Variants in DLEC1 observed in about 807,000 individuals in gnomAD.
The protein encoded by DLEC1 is deleted in lung and esophageal cancer protein 1.
In DLEC1, 146 loss-of-function variants were observed where a neutral mutation model predicts 198.1. The observed-to-expected ratio is 0.74, with a 90% confidence interval of 0.64 to 0.85. The LOEUF is 0.85. Among genes scored for constraint, DLEC1 ranks in the 40% least tolerant of loss-of-function variants. The pLI is 0.00. For synonymous variants in DLEC1, 897 were observed against 866.8 expected, an observed-to-expected ratio of 1.03 and a Z score of -0.61; for missense variants, 2,233 against 2,220.0, an observed-to-expected ratio of 1.01 and a Z score of -0.12.
At position 38,120,597 on chromosome 3, in the gene DLEC1, C is replaced by G; in HGVS notation, c.4854C>G (p.Asn1618Lys). 6.2e-7 allele frequency: 1 copy of G among 1,613,366 alleles called. No individual in the cohort carries two copies. The highest frequency in any genetic ancestry group is 1.1e-5 in the South Asian group (1 of 91,044). ...AGAACCTGCTCCTGGAGTACACCAA[C>G]CAGACCACTCAGGCACGCCCCAGGC... ...FTQNLLLEYT[N>K]QTTQVVPLRA... is the part of the protein sequence containing the mutation. Residue 1618 changes from asparagine (N) to lysine (K), a missense_variant, in exon 34 of 37, where the codon AAC (asparagine) becomes AAG (lysine). Transcript: ENST00000308059.
chr3:38,113,151 A>G (rs1170115022), intron 25 of DLEC1, among the ~76,000 whole-genome samples: 1 of 152,248 alleles, frequency 6.6e-6, no homozygotes, highest in Non-Finnish European at 1.5e-5. Flanking sequence ...GCCAATAAAC[A>G]TATTAAAATC....
In DLEC1 at chr3:38,107,697, T is replaced by C. The variant is rs552487670; in HGVS notation, c.2978T>C (p.Ile993Thr). ...CCCACGAAGACAACCATCACACTTA[T>C]CAATGGCACGCTCCTGCCTACCCAG... ...GVPTKTTITLINGTLLPTQFH... is the reference protein window; with the variant it reads ...GVPTKTTITLTNGTLLPTQFH... The change falls in exon 20 of 37, where the codon ATC becomes ACC. Residue 993 changes from isoleucine (I) to threonine (T), a missense_variant. Coordinates refer to ENST00000308059, the MANE Select transcript of DLEC1 (RefSeq NM_007335.4). The C allele has an allele frequency of 6.2e-6, 10 of 1,613,988 alleles. No individual in the cohort carries two copies. Among genetic ancestry groups the C allele is most frequent in the East Asian group, 2.2e-5 (1 of 44,884 alleles).
intron 6 of DLEC1, among the ~76,000 whole-genome samples, chr3:38,080,691 C>T (rs988252674): frequency 1.3e-4 from 19 of 151,230 alleles, no homozygotes; most frequent in Middle Eastern, 6.8e-3. Flanking sequence ...CTTGAGAACA[C>T]AGGCTAAGGG....
chr3:38,091,846 G>A (rs1404643747), intron 10 of DLEC1, among the ~76,000 whole-genome samples: 1 of 152,182 alleles, frequency 6.6e-6, no homozygotes, highest in Non-Finnish European at 1.5e-5. Context: ...TCAGAAAGAT[G>A]AAAGGTAAGT....
At chr3:38,049,700 A>G (rs1215340684) in intron 2 of DLEC1, among the ~76,000 whole-genome samples, 1 of 152,186 alleles carries the variant, frequency 6.6e-6, no homozygotes, top group African/African-American at 2.4e-5. Flanking sequence ...GCACCTAGCC[A>G]CCCATAACCT....
At chr3:38,114,571 T>G (rs1013443797) in intron 26 of DLEC1, 111 bp downstream of exon 26, 1 of 1,084,786 alleles carries the variant, frequency 9.2e-7, no homozygotes, top group African/African-American at 1.6e-5. Context: ...CCTAGGGCCA[T>G]TGGTGCCACC....
At chr3:38,113,224 C>T (rs1300578842) in intron 25 of DLEC1, among the ~76,000 whole-genome samples, 3 of 152,102 alleles carry the variant, frequency 2.0e-5, no homozygotes, top group Non-Finnish European at 4.4e-5. Flanking sequence ...CTGGTTTTGA[C>T]ACATTAGCGA....
At chr3:38,109,175 C>G (rs1165145448) in intron 21 of DLEC1, among the ~76,000 whole-genome samples, 1 of 152,222 alleles carries the variant, frequency 6.6e-6, no homozygotes, top group Non-Finnish European at 1.5e-5. Context: ...TCTCCAGAGG[C>G]CCTCTCTGAG....
intron 1 of DLEC1, among the ~76,000 whole-genome samples, chr3:38,041,930 C>A (rs1347558152): frequency 6.6e-6 from 1 of 150,726 alleles, no homozygotes; most frequent in East Asian, 2.0e-4. Context: ...CTATGGAATA[C>A]TACAAAGTTG....
intron 11 of DLEC1, 70 bp from the exon 12 acceptor site, chr3:38,093,535 C>G (rs1178871093): frequency 1.3e-6 from 2 of 1,583,154 alleles, no homozygotes; most frequent in East Asian, 4.5e-5. Context: ...CGGCATGGGT[C>G]CTGCAGCAGC....
chr3:38,045,530 AT>A lies in DLEC1; in HGVS notation c.412-12del. On this transcript the variant is annotated splice_polypyrimidine_tract_variant and intron_variant, in intron 1 of 36. Transcript: ENST00000308059. ...TCACCATATTTCTGTGCATTTGATC[AT>A]CCCCCTGCCAGATTCGGGAGCTCTA... The A allele has an allele frequency of 6.2e-7, 1 of 1,610,316 alleles. No individual in the cohort carries two copies. The highest frequency in any genetic ancestry group is 8.5e-7 in the Non-Finnish European group (1 of 1,178,438).
intron 9 of DLEC1, among the ~76,000 whole-genome samples, chr3:38,087,980 C>A (rs1157682579): frequency 6.6e-6 from 1 of 152,200 alleles, no homozygotes; most frequent in African/African-American, 2.4e-5. Flanking sequence ...CTGAGTGAGA[C>A]CTTCTCACAC....
Position 38,081,576 on chromosome 3 carries a change from G to C in DLEC1, c.1174-2582G>C, listed in dbSNP as rs1243116006. Among the ~76,000 whole-genome samples the C allele has an allele frequency of 5.9e-5, 6 of 100,884 alleles. 2 individuals are homozygous for C. Among genetic ancestry groups the C allele is most frequent in the Non-Finnish European group, 9.8e-5 (5 of 50,774 alleles). The allele number at this position is 100,884 out of a possible 152,430, so 66.2% of individuals were successfully genotyped here. A position where few individuals can be genotyped will look rare whatever the true frequency, so the allele number is the denominator to read the frequency against. On this transcript the variant is annotated intron_variant, in intron 6 of 36. Coordinates refer to ENST00000308059, the MANE Select transcript of DLEC1 (RefSeq NM_007335.4). Reference sequence around the variant, plus strand: ...GGCGGCTGGCCGGGCAGGGGGCTGAGCCCCTCACCTCCCGGACGGGGCGGC... The same window carrying C: ...GGCGGCTGGCCGGGCAGGGGGCTGACCCCCTCACCTCCCGGACGGGGCGGC...
chr3:38,040,055 CCTCTAGA>C (rs1700582685), intron 1 of DLEC1, among the ~76,000 whole-genome samples: 1 of 152,120 alleles, frequency 6.6e-6, no homozygotes, highest in Admixed American at 6.5e-5. Flanking sequence ...GCGTGTCTAG[CCTCTAGA>C]ACAGCAACTC....
chr3:38,106,396 G>A (rs1178415238), intron 19 of DLEC1, among the ~76,000 whole-genome samples: 1 of 152,084 alleles, frequency 6.6e-6, no homozygotes, highest in Non-Finnish European at 1.5e-5. Context: ...GCATTTTTGG[G>A]GACAAGATGA....
chr3:38,121,173 G>A (rs898949667), intron 34 of DLEC1, among the ~76,000 whole-genome samples: 1 of 152,252 alleles, frequency 6.6e-6, no homozygotes, highest in African/African-American at 2.4e-5. Context: ...GGCAGCTGCT[G>A]GGGCTGAGGC....
intron 2 of DLEC1, among the ~76,000 whole-genome samples, chr3:38,049,755 A>G (rs543816840): frequency 3.5e-4 from 54 of 152,346 alleles, no homozygotes; most frequent in African/African-American, 1.2e-3. Flanking sequence ...GAGAGGATAC[A>G]TCTCTTGTCA....
chr3:38,100,298 G>C lies in DLEC1; in HGVS notation c.2737G>C (p.Asp913His). 1 of 1,611,050 alleles carries C rather than the reference G, an allele frequency of 6.2e-7. No individual in the cohort carries two copies. Among genetic ancestry groups the C allele is most frequent in the South Asian group, 1.1e-5 (1 of 90,688 alleles). The change falls in exon 19 of 37, where the codon GAC becomes CAC. Residue 913 changes from aspartate to histidine, a missense_variant. Physicochemically the swap from Asp to His is moderately conservative, Grantham distance 81 (BLOSUM62 -1). Coordinates refer to ENST00000308059, the MANE Select transcript of DLEC1 (RefSeq NM_007335.4). ...TTCTCCGGGGCAGGTGTCTCCCTTC[G>C]ACATTGAGCCTTCGAGTGGCCAGCT... ...QERPEDVSPF[D>H]IEPSSGQLHS...
At chr3:38,119,347 T>G (rs1347368716) in intron 33 of DLEC1, among the ~76,000 whole-genome samples, 1 of 151,996 alleles carries the variant, frequency 6.6e-6, no homozygotes, top group Non-Finnish European at 1.5e-5. Context: ...GCATTTTGTC[T>G]CAGCAAATAC....
Sources: gnomAD v4.1 joint callset for allele counts (sites outside exome capture counted in the v4.1 genomes callset) on GRCh38, gnomAD v4.1.1 for gene constraint, MANE v1.5 for transcripts, NCBI Gene and HGNC (gene_info 2026-07-23, HGNC 2026-07-21) for gene names.